JPH1: variants seen among roughly 807,000 people sequenced by gnomAD.
JPH1 encodes junctophilin-1.
In JPH1, 12 loss-of-function variants were observed where a neutral mutation model predicts 53.6. The ratio of observed to expected loss-of-function variants is 0.22; its 90% confidence interval spans 0.14 to 0.36. The LOEUF is 0.36. Among genes scored for constraint, JPH1 ranks in the 10% least tolerant of loss-of-function variants. The pLI, the probability that JPH1 is intolerant of heterozygous loss-of-function variation, is 1.00. For missense variants in JPH1, 808 were observed against 905.5 expected (o/e 0.89, Z 1.38); for synonymous variants, 375 against 363.8 (o/e 1.03, Z -0.35).
rs1334785521 is a variant in JPH1 at position 74,315,942 on chromosome 8, A to G, written c.380-322T>C. Among the ~76,000 whole-genome samples the G allele has an allele frequency of 6.6e-6, 1 of 152,232 alleles. No individual in the cohort carries two copies. The highest frequency in any genetic ancestry group is 1.5e-5 in the Non-Finnish European group (1 of 68,036). On this transcript the variant is annotated intron_variant, in intron 1 of 5. Coordinates refer to ENST00000342232, the MANE Select transcript of JPH1 (RefSeq NM_020647.4). The surrounding 1 kb of genome is among the most constrained non-coding windows in gnomAD (Gnocchi z 6.3). Reference sequence around the variant, plus strand: ...GGAAACAACATTCTCCTCTGAAATTAATGCATCAAAAATTCCTCTTGGGAA... The same window carrying G: ...GGAAACAACATTCTCCTCTGAAATTGATGCATCAAAAATTCCTCTTGGGAA...
intron 4 of JPH1, among the ~76,000 whole-genome samples, chr8:74,239,734 C>A (rs1230877368): frequency 5.9e-5 from 9 of 152,290 alleles, no homozygotes; most frequent in Middle Eastern, 6.8e-3. Flanking sequence ...ACAGGTTGAG[C>A]ATCCCGAATA....
chr8:74,312,846 C>T (rs1808036573), intron 2 of JPH1, among the ~76,000 whole-genome samples: 1 of 151,952 alleles, frequency 6.6e-6, no homozygotes, highest in Non-Finnish European at 1.5e-5. Flanking sequence ...GCATTTTAAA[C>T]ATAGCTAAGT....
intron 3 of JPH1, among the ~76,000 whole-genome samples, chr8:74,258,717 AT>A (rs1277901595): frequency 1.3e-5 from 2 of 152,176 alleles, no homozygotes; most frequent in African/African-American, 4.8e-5. Context: ...ATTTGGGGGT[AT>A]TTGTTATAGA....
intron 2 of JPH1, among the ~76,000 whole-genome samples, chr8:74,306,981 T>TG (rs2131454566): frequency 1.7e-5 from 1 of 58,634 alleles, no homozygotes; most frequent in African/African-American, 7.4e-5. Flanking sequence ...ACTTGATATT[T>TG]CCTTGCTCAC....
Position 74,315,659 on chromosome 8 carries a change from A to G in JPH1, c.380-39T>C. ...CAAGAAAGCACCGTGAGTCGGGGGC[A>G]GAGCTGCACCGTCACCTGCACCATC... On this transcript the variant is annotated intron_variant, in intron 1 of 5. Transcript: ENST00000342232. This position sits in a 1 kb window ranked among gnomAD's most constrained non-coding sequence, Gnocchi z 6.3. 6.5e-7 allele frequency: 1 copy of G among 1,547,868 alleles called. No homozygotes were observed. The highest frequency in any genetic ancestry group is 8.7e-7 in the Non-Finnish European group (1 of 1,152,472).
At chr8:74,297,326 GA>G (rs1807549643) in intron 2 of JPH1, among the ~76,000 whole-genome samples, 1 of 152,190 alleles carries the variant, frequency 6.6e-6, no homozygotes, top group Non-Finnish European at 1.5e-5. Context: ...AGACTATGTA[GA>G]TTCTCTATTA....
chr8:74,252,943 G>C (rs1207169664), intron 3 of JPH1, among the ~76,000 whole-genome samples: 1 of 151,884 alleles, frequency 6.6e-6, no homozygotes, highest in Non-Finnish European at 1.5e-5. Flanking sequence ...AATAATAATG[G>C]GAGACTTTAA....
chr8:74,254,716 G>C (rs2131387891), intron 3 of JPH1, among the ~76,000 whole-genome samples: 1 of 152,174 alleles, frequency 6.6e-6, no homozygotes, highest in East Asian at 1.9e-4. Flanking sequence ...CAAAATCAAT[G>C]TACAAAAATC....
In JPH1 at chr8:74,321,084, C is replaced by A; in HGVS notation, c.204G>T (p.Lys68Asn). The A allele has an allele frequency of 2.5e-6, 4 of 1,613,606 alleles. No homozygotes were observed. The highest frequency in any genetic ancestry group is 3.4e-6 in the Non-Finnish European group (4 of 1,179,766). ...NTYQGYWAQG[K>N]RHGLGVETKG... ...TCGTCTCCACCCCCAGCCCGTGCCGCTTGCCCTGCGCCCAGTAGCCCTGGT... is the reference window on the plus strand; with the variant it reads ...TCGTCTCCACCCCCAGCCCGTGCCGATTGCCCTGCGCCCAGTAGCCCTGGT... The change falls in exon 1 of 6, where the codon AAG becomes AAT. Residue 68 changes from lysine (K) to asparagine (N), a missense_variant. Coordinates refer to ENST00000342232, the MANE Select transcript of JPH1 (RefSeq NM_020647.4). This position sits in a 1 kb window ranked among gnomAD's most constrained non-coding sequence, Gnocchi z 4.3.
intron 2 of JPH1, among the ~76,000 whole-genome samples, chr8:74,281,143 T>A (rs192155069): frequency 6.6e-6 from 1 of 152,368 alleles, no homozygotes; most frequent in Admixed American, 6.5e-5. Context: ...TTCTTGTGTT[T>A]AAGTCTTAAA....
chr8:74,272,787 G>T (rs1432871424), intron 2 of JPH1, among the ~76,000 whole-genome samples: 1 of 151,734 alleles, frequency 6.6e-6, no homozygotes, highest in East Asian at 1.9e-4. Flanking sequence ...TTTATTTTTA[G>T]TAGAGACGGG....
rs750237760 is a variant in JPH1 at position 74,315,413 on chromosome 8, T to C, written c.587A>G (p.Asn196Ser). ...PAGTRGGFVL[N>S]FHADAELAGK... ...CGCTAGCTCAGCGTCTGCGTGGAAGTTGAGCACGAAACCGCCGCGGGTGCC... is the reference window on the plus strand; with the variant it reads ...CGCTAGCTCAGCGTCTGCGTGGAAGCTGAGCACGAAACCGCCGCGGGTGCC... Residue 196 changes from asparagine (N) to serine (S), a missense_variant, in exon 2 of 6, where the codon AAC becomes AGC. Asn to Ser is a conservative substitution (Grantham distance 46). This residue lies in a region of JPH1 where 756 missense variants were observed against 811.9 expected (regional missense o/e 0.93). Transcript: ENST00000342232. This position sits in a 1 kb window ranked among gnomAD's most constrained non-coding sequence, Gnocchi z 6.3. 6.2e-6 allele frequency: 10 copies of C among 1,612,330 alleles called. No homozygotes were observed. The highest frequency in any genetic ancestry group is 4.5e-5 in the East Asian group (2 of 44,864).
At chr8:74,242,224 C>T (rs1055118258) in intron 4 of JPH1, among the ~76,000 whole-genome samples, 1 of 152,196 alleles carries the variant, frequency 6.6e-6, no homozygotes, top group Non-Finnish European at 1.5e-5. Context: ...ATCAGATCTA[C>T]TTGAATATTT....
intron 2 of JPH1, among the ~76,000 whole-genome samples, chr8:74,278,530 C>A (rs1270859510): frequency 6.6e-6 from 1 of 152,130 alleles, no homozygotes; most frequent in African/African-American, 2.4e-5. Context: ...AATGCTGCCA[C>A]CAGAAGACAC....
At chr8:74,304,542 A>C (rs1159459795) in intron 2 of JPH1, among the ~76,000 whole-genome samples, 2 of 152,162 alleles carry the variant, frequency 1.3e-5, no homozygotes, top group Non-Finnish European at 2.9e-5. Flanking sequence ...GGTTATCTCA[A>C]CATGTCAAAA....
At chr8:74,268,777 A>T (rs900799346) in intron 2 of JPH1, among the ~76,000 whole-genome samples, 2 of 152,200 alleles carry the variant, frequency 1.3e-5, no homozygotes, top group African/African-American at 4.8e-5. Context: ...AAATTTAAGC[A>T]TGACTAGGAA....
At chr8:74,260,889 T>C (rs995402671) in intron 2 of JPH1, among the ~76,000 whole-genome samples, 10 of 152,200 alleles carry the variant, frequency 6.6e-5, no homozygotes, top group Admixed American at 5.2e-4. Flanking sequence ...TTTGTGAAGA[T>C]TGGAATTTTT....
intron 2 of JPH1, among the ~76,000 whole-genome samples, chr8:74,288,218 T>C (rs1244561976): frequency 6.6e-6 from 1 of 152,156 alleles, no homozygotes; most frequent in Admixed American, 6.5e-5. Context: ...AGGAGGGGCT[T>C]TGGCGAGGAC....
intron 3 of JPH1, among the ~76,000 whole-genome samples, chr8:74,254,375 G>T (rs1042036717): frequency 1.3e-5 from 2 of 152,008 alleles, no homozygotes; most frequent in Admixed American, 1.3e-4. Context: ...AATAAATTAG[G>T]TATTGATGGG....
Sources: allele counts gnomAD v4.1 joint callset (sites outside exome capture counted in the v4.1 genomes callset), GRCh38; gene constraint gnomAD v4.1.1; regional missense constraint gnomAD v4.1.1; non-coding constraint Gnocchi (gnomAD v3.1); transcripts MANE v1.5; gene names NCBI Gene and HGNC (gene_info 2026-07-23, HGNC 2026-07-21).